Variants in PRAM1 observed in about 807,000 individuals in gnomAD.
The protein encoded by PRAM1 is PML-RARA-regulated adapter molecule 1.
Under a neutral mutation model 55.3 loss-of-function variants are expected in PRAM1, and 41 were observed. The observed-to-expected ratio is 0.74, with a 90% CI of 0.58 to 0.96. PRAM1 has a LOEUF of 0.96. Ranked by LOEUF, PRAM1 falls within the 40% of genes least tolerant of loss-of-function variation. The pLI is 0.00. For missense variants in PRAM1, 898 were observed against 892.7 expected, an observed-to-expected ratio of 1.01 and a Z score of -0.08; for synonymous variants, 401 against 387.1, an observed-to-expected ratio of 1.04 and a Z score of -0.42.
At position 8,499,127 on chromosome 19, in the gene PRAM1, C is replaced by A; in HGVS notation, c.681G>T (p.Lys227Asn). 1 of 1,613,384 alleles carries A rather than the reference C, an allele frequency of 6.2e-7. No homozygotes were observed. Among genetic ancestry groups the A allele is most frequent in the Non-Finnish European group, 8.5e-7 (1 of 1,179,684 alleles). Residue 227 changes from lysine to asparagine, a missense_variant, in exon 2 of 10, where the codon AAG (lysine) becomes AAT (asparagine). Physicochemically the swap from Lys to Asn is moderately conservative, Grantham distance 94 (BLOSUM62 0). Around this residue, in one of 4 missense-constraint regions of PRAM1, gnomAD observed 787 missense variants for 735.4 expected, o/e 1.07. Coordinates refer to ENST00000423345, the MANE Select transcript of PRAM1 (RefSeq NM_032152.5). ...GGCCACCGACCTGAGGCTGCGGAGGCTTTTTGGGGTACACGTTGAACTCAG... is the reference window on the plus strand; with the variant it reads ...GGCCACCGACCTGAGGCTGCGGAGGATTTTTGGGGTACACGTTGAACTCAG... ...AQPEFNVYPK[K>N]PPQPQVGGLP...
chr19:8,495,045 T>G (rs1008556808), intron 4 of PRAM1, among the ~76,000 whole-genome samples: 1 of 151,812 alleles, frequency 6.6e-6, no homozygotes, highest in African/African-American at 2.4e-5. Flanking sequence ...GTTCAAGGAA[T>G]TCTCCCACCT....
At position 8,499,509 on chromosome 19, in the gene PRAM1, ACCTC is replaced by A; in HGVS notation, c.295_298del (p.Glu99SerfsTer25). 1.0e-6 allele frequency: 1 copy of A among 965,528 alleles called. No homozygotes were observed. The highest frequency in any genetic ancestry group is 1.6e-6 in the Non-Finnish European group (1 of 637,154). The allele number at this position is 965,528 out of a possible 1,614,324, so 59.8% of individuals were successfully genotyped here. ...CGGGGGCTTCTTGGGGAGGTCAGTG[ACCTC>A]AGGCGGCGGGGGCTTCTTGGGGAGG... On this transcript the variant is annotated frameshift_variant, in exon 2 of 10. Coordinates refer to ENST00000423345, the MANE Select transcript of PRAM1 (RefSeq NM_032152.5). LOFTEE classifies it high-confidence loss of function.
rs58671333 is a variant in PRAM1, at chr19:8,497,870, CTTTTTTTTTT to C, written c.1500-40_1500-31del. ...GGGGATACCTGAGATGAGGCCTCTT[CTTTTTTTTTT>C]TTTTTTTTTTTTTTTGAGACGGAGT... is the stretch of plus-strand genomic sequence containing the variant. On this transcript the variant is annotated intron_variant, in intron 3 of 9. Coordinates refer to ENST00000423345, the MANE Select transcript of PRAM1 (RefSeq NM_032152.5). 2.3e-3 allele frequency: 834 copies of C among 359,056 alleles called. 2 individuals are homozygous for C. The highest frequency in any genetic ancestry group is 3.0e-3 in the Non-Finnish European group (690 of 230,212). 22.2% of individuals were successfully genotyped at this position (359,056 alleles called of 1,614,324 possible).
intron 1 of PRAM1, among the ~76,000 whole-genome samples, chr19:8,500,482 G>C (rs1336992019): frequency 6.6e-6 from 1 of 152,056 alleles, no homozygotes; most frequent in Non-Finnish European, 1.5e-5. Flanking sequence ...GGAGAAGCCT[G>C]TTGAACCCTG....
rs573012415 is a variant in PRAM1, at chr19:8,500,083, C to T, written c.28-303G>A. ...CCCCATGGGTGGTACCCCACCCCCC[C>T]AGCATCCTTGACCCCCTCATTCTTT... is the stretch of plus-strand genomic sequence containing the variant. On this transcript the variant is annotated intron_variant, in intron 1 of 9. Coordinates refer to ENST00000423345, the MANE Select transcript of PRAM1 (RefSeq NM_032152.5). Among the ~76,000 whole-genome samples, 460 of 148,052 alleles carry T rather than the reference C, an allele frequency of 3.1e-3. 2 individuals are homozygous for T. Among genetic ancestry groups the T allele is most frequent in the Non-Finnish European group, 5.6e-3 (373 of 66,622 alleles).
intron 4 of PRAM1, among the ~76,000 whole-genome samples, chr19:8,497,173 CT>C (rs34873845): frequency 0.5 from 59,940 of 118,804 alleles, 14,486 homozygotes; most frequent in African/African-American, 0.65. Context: ...CCAAATCCTG[CT>C]TTTTTTTTTT....
In PRAM1 at chr19:8,493,692, G is replaced by A. The variant is rs189014608; in HGVS notation, c.1577-2535C>T. ...GCAGACAGTGGGAAAGGGGAGTCCA[G>A]AGTCCTGGCCCCAAGAGACCTAAGC... On this transcript the variant is annotated intron_variant, in intron 4 of 9. Coordinates refer to ENST00000423345, the MANE Select transcript of PRAM1 (RefSeq NM_032152.5). The surrounding 1 kb of genome is among the most constrained non-coding windows in gnomAD (Gnocchi z 4.1). 1.0e-3 allele frequency among the ~76,000 whole-genome samples: 156 copies of A among 152,352 alleles called. No homozygotes were observed. The highest frequency in any genetic ancestry group is 3.4e-3 in the Middle Eastern group (1 of 294).
chr19:8,490,904 A>C lies in PRAM1; in HGVS notation c.1726T>G (p.Phe576Val), dbSNP rs779740808. Reference sequence around the variant, plus strand: ...GGCCTCACCTTGAACTTCTTCCGGAACTCCCTCTCGGCCTTCTCTGCCTTC... The same window carrying C: ...GGCCTCACCTTGAACTTCTTCCGGACCTCCCTCTCGGCCTTCTCTGCCTTC... Reference protein sequence around the residue: ...LRKAEKAEREFRKKFKFEGEI... With the variant: ...LRKAEKAEREVRKKFKFEGEI... Residue 576 changes from phenylalanine (F) to valine (V), a missense_variant, in exon 6 of 10, where the codon TTC becomes GTC. Physicochemically the swap from Phe to Val is conservative, Grantham distance 50. Around this residue, in one of 4 missense-constraint regions of PRAM1, gnomAD observed 787 missense variants for 735.4 expected, o/e 1.07. Coordinates refer to ENST00000423345, the MANE Select transcript of PRAM1 (RefSeq NM_032152.5). This position sits in a 1 kb window ranked among gnomAD's most constrained non-coding sequence, Gnocchi z 7.3. The C allele has an allele frequency of 1.2e-6, 2 of 1,612,606 alleles. No homozygotes were observed. Among genetic ancestry groups the C allele is most frequent in the African/African-American group, 2.7e-5 (2 of 74,664 alleles).
chr19:8,498,710 G>A lies in PRAM1; in HGVS notation c.1098C>T (p.Leu366=), dbSNP rs1971743439. The A allele has an allele frequency of 6.3e-7, 1 of 1,595,712 alleles. No homozygotes were observed. Among genetic ancestry groups the A allele is most frequent in the Admixed American group, 1.8e-5 (1 of 56,478 alleles). ...KFSQPEPSAV[L]KRHPQPEFFG... is the part of the protein sequence containing the mutation. ...AGAACTCAGGCTGCGGGTGTCTCTT[G>A]AGGACAGCGCTGGGCTCAGGCTGTG... is the stretch of plus-strand genomic sequence containing the variant. Residue 366 remains leucine, a synonymous_variant, in exon 2 of 10, where the codon CTC becomes CTT. Coordinates refer to ENST00000423345, the MANE Select transcript of PRAM1 (RefSeq NM_032152.5).
Position 8,499,639 on chromosome 19 carries a change from T to G in PRAM1, c.169A>C (p.Lys57Gln), listed in dbSNP as rs4804305. 0.066 allele frequency: 63,583 copies of G among 960,336 alleles called. 10,309 individuals carry two copies. Among genetic ancestry groups the G allele is most frequent in the South Asian group, 0.13 (6,614 of 52,340 alleles). 59.5% of individuals were successfully genotyped at this position (960,336 alleles called of 1,614,324 possible). A position where few individuals can be genotyped will look rare whatever the true frequency, so the allele number is the denominator to read the frequency against. Residue 57 changes from lysine (K) to glutamine (Q), a missense_variant, in exon 2 of 10, where the codon AAG becomes CAG. This residue lies in a region of PRAM1 where 79 missense variants were observed against 93.4 expected (regional missense o/e 0.85). Transcript: ENST00000423345. ...CCAAACTCAGGCAGCGGGGCCTTCT[T>G]GGGGTGCTCGCTTAGCTCAGGCTGG... ...FSQPELSEHP[K>Q]KAPLPEFGAV...
At chr19:8,500,408 C>G (rs529259650) in intron 1 of PRAM1, among the ~76,000 whole-genome samples, 1 of 152,262 alleles carries the variant, frequency 6.6e-6, no homozygotes, top group South Asian at 2.1e-4. Context: ...ATTACTCTAA[C>G]AAGCCCTTCC....
At chr19:8,495,300 ATGT>A (rs1971683688) in intron 4 of PRAM1, among the ~76,000 whole-genome samples, 1 of 151,744 alleles carries the variant, frequency 6.6e-6, no homozygotes, top group African/African-American at 2.4e-5. Context: ...GGGTTTCTCC[ATGT>A]TGTTCAGGCT....
Position 8,490,913 on chromosome 19 carries a change from C to G in PRAM1, c.1717G>C (p.Glu573Gln). The G allele has an allele frequency of 6.2e-7, 1 of 1,613,696 alleles. No homozygotes were observed. Among genetic ancestry groups the G allele is most frequent in the African/African-American group, 1.3e-5 (1 of 75,048 alleles). The change falls in exon 6 of 10, where the codon GAG becomes CAG. Residue 573 changes from glutamate to glutamine, a missense_variant. Glu to Gln is a conservative substitution (Grantham distance 29). Transcript: ENST00000423345. The surrounding 1 kb of genome is among the most constrained non-coding windows in gnomAD (Gnocchi z 7.3). ...TTGAACTTCTTCCGGAACTCCCTCT[C>G]GGCCTTCTCTGCCTTCCTCAGCTGC... ...LKQLRKAEKA[E>Q]REFRKKFKFE...
intron 4 of PRAM1, 55 bp from the exon 5 acceptor site, chr19:8,491,212 C>T: frequency 6.5e-7 from 1 of 1,532,616 alleles, no homozygotes; most frequent in Non-Finnish European, 8.9e-7. Flanking sequence ...CAGCCTTTAC[C>T]CTGGTAGCTG....
Position 8,491,010 on chromosome 19 carries a change from C to G in PRAM1, c.1635-15G>C, listed in dbSNP as rs1309433609. On this transcript the variant is annotated splice_polypyrimidine_tract_variant and intron_variant, in intron 5 of 9. Transcript: ENST00000423345. The stretch of plus-strand genomic sequence containing the variant: ...CCTTCTCCTTCCTGATAGCCCCCAC[C>G]AAGGAATTGTGTGCTCGTGAGCAAG... 7 of 1,613,094 alleles carry G rather than the reference C, an allele frequency of 4.3e-6. No homozygotes were observed. The highest frequency in any genetic ancestry group is 5.9e-6 in the Non-Finnish European group (7 of 1,179,718).
Position 8,499,322 on chromosome 19 carries a change from C to A in PRAM1, c.486G>T (p.Ala162=). The change falls in exon 2 of 10, where the codon GCG becomes GCT. Residue 162 remains alanine, a synonymous_variant. Transcript: ENST00000423345. ...PLKASLPEPG[A]PARKPLQPDE... Reference sequence around the variant, plus strand: ...CGGGCTGCAGGGGTTTCCGGGCCGGCGCACCAGGCTCCGGCAGCGAGGCCT... The same window carrying A: ...CGGGCTGCAGGGGTTTCCGGGCCGGAGCACCAGGCTCCGGCAGCGAGGCCT... 2 of 1,609,984 alleles carry A rather than the reference C, an allele frequency of 1.2e-6. No individual in the cohort carries two copies. The highest frequency in any genetic ancestry group is 1.7e-6 in the Non-Finnish European group (2 of 1,178,514).
Position 8,498,364 on chromosome 19 carries a change from G to A in PRAM1, c.1432+12C>T, listed in dbSNP as rs371085410. ...GCCCCCGCTCCTGCCGGTGCCGCCC[G>A]CCCTCACCCACCTATGGATGCTGCA... On this transcript the variant is annotated intron_variant, in intron 2 of 9. Transcript: ENST00000423345. 4 of 1,582,938 alleles carry A rather than the reference G, an allele frequency of 2.5e-6. No individual in the cohort carries two copies. The highest frequency in any genetic ancestry group is 2.7e-5 in the African/African-American group (2 of 74,334).
chr19:8,490,380 A>G lies in PRAM1; in HGVS notation c.1941-8T>C, dbSNP rs1452410542. 2 of 1,613,956 alleles carry G rather than the reference A, an allele frequency of 1.2e-6. No homozygotes were observed. The highest frequency in any genetic ancestry group is 2.2e-5 in the South Asian group (2 of 91,082). On this transcript the variant is annotated splice_polypyrimidine_tract_variant and splice_region_variant and intron_variant, in intron 8 of 9. Transcript: ENST00000423345. The surrounding 1 kb of genome is among the most constrained non-coding windows in gnomAD (Gnocchi z 7.3). ...TCGTACACCTCCGTCTCCCTGGCAG[A>G]GCACAGTTGGGTCAGCAAGGGGCAC...
chr19:8,499,487 G>A lies in PRAM1; in HGVS notation c.321C>T (p.Pro107=), dbSNP rs781570140. Residue 107 remains proline (P), a synonymous_variant, in exon 2 of 10, where the codon CCC becomes CCT. Transcript: ENST00000423345. ...GGAGGTCAGTGACCTCAGGCGGCGG[G>A]GGCTTCTTGGGGAGGTCAGTGACCT... is the stretch of plus-strand genomic sequence containing the variant. ...PPEVTDLPKK[P]PPPEVTDLPK... 1 of 1,597,260 alleles carries A rather than the reference G, an allele frequency of 6.3e-7. No homozygotes were observed. The highest frequency in any genetic ancestry group is 8.5e-7 in the Non-Finnish European group (1 of 1,175,750).
Sources: gnomAD v4.1 joint callset for allele counts (sites outside exome capture counted in the v4.1 genomes callset) on GRCh38, gnomAD v4.1.1 for gene constraint, gnomAD v4.1.1 regional missense constraint, Gnocchi (gnomAD v3.1) non-coding constraint, MANE v1.5 for transcripts, NCBI Gene and HGNC (gene_info 2026-07-23, HGNC 2026-07-21) for gene names.